The following C4orf51 variants were observed in gnomAD, a reference collection of about 807,000 sequenced individuals.
C4orf51 encodes uncharacterized protein C4orf51.
In C4orf51, 25 loss-of-function variants were observed where a neutral mutation model predicts 25.2. That is an observed-to-expected ratio of 0.99 (90% confidence interval 0.72 to 1.39). The LOEUF is 1.39. Ranked by LOEUF, C4orf51 falls within the 40% of genes most tolerant of loss-of-function variation. The pLI is 0.00. For missense variants in C4orf51, 252 were observed against 239.6 expected (o/e 1.05, Z -0.34); for synonymous variants, 100 against 84.5 (o/e 1.18, Z -1.01).
intron 1 of C4orf51, chr4:145,760,827 G>C (rs1270541203): frequency 1.7e-6 from 2 of 1,199,720 alleles, no homozygotes; most frequent in African/African-American, 3.2e-5. Flanking sequence ...CCAGGAAGGA[G>C]TGTTTGGGTG....
At chr4:145,770,432 C>T (rs976592378) in intron 1 of C4orf51, among the ~76,000 whole-genome samples, 2 of 151,776 alleles carry the variant, frequency 1.3e-5, no homozygotes, top group Non-Finnish European at 2.9e-5. Flanking sequence ...TAACTTTGTG[C>T]CTCAATTATC....
At chr4:145,748,346 A>G (rs114996369) in intron 1 of C4orf51, among the ~76,000 whole-genome samples, 2,520 of 152,018 alleles carry the variant, frequency 0.017, 64 homozygotes, top group African/African-American at 0.057. Flanking sequence ...CCAACTTTTA[A>G]TTTCATTGAT....
chr4:145,757,533 C>G (rs924921394), downstream of C4orf51: 2 of 151,858 alleles, frequency 1.3e-5, no homozygotes, highest in African/African-American at 4.8e-5. Context: ...GATTAAAATA[C>G]ACAGAGAAGT....
rs563226939 is a variant in C4orf51 at position 145,732,390 on chromosome 4, A to G, written c.502-63A>G. 1.1e-5 allele frequency: 11 copies of G among 1,017,098 alleles called. No homozygotes were observed. The East Asian group carries it at 2.2e-4, about 21-fold the overall frequency. The allele number at this position is 1,017,098 out of a possible 1,614,324, so 63.0% of individuals were successfully genotyped here. On this transcript the variant is annotated intron_variant, in intron 5 of 5. Coordinates refer to ENST00000438731, the MANE Select transcript of C4orf51 (RefSeq NM_001080531.3). ...TTTGGAAGAGACCATTTAATTCCCA[A>G]TTCTGTGGAAAAGTGACCTTTGCGG... is the stretch of plus-strand genomic sequence containing the variant.
chr4:145,692,669 G>A (rs1729661570), intron 1 of C4orf51, among the ~76,000 whole-genome samples: 1 of 152,172 alleles, frequency 6.6e-6, no homozygotes, highest in South Asian at 2.1e-4. Context: ...TCGTTAGGCT[G>A]ATATCAATTC....
At position 145,765,515 on chromosome 4, in the gene C4orf51, G is replaced by A. The variant is rs368271131; in HGVS notation, n.167-5473G>A. On this transcript the variant is annotated intron_variant and non_coding_transcript_variant, in intron 1 of 1. Coordinates refer to the C4orf51 transcript ENST00000510096. This position sits in a 1 kb window ranked among gnomAD's most constrained non-coding sequence, Gnocchi z 4.7. The stretch of plus-strand genomic sequence containing the variant: ...GAATGGGTCATCCTGGGTGCGGAGG[G>A]TTGAGCAGGCTCACACCCACCTCCT... The A allele has an allele frequency of 1.5e-5, 23 of 1,585,092 alleles. No homozygotes were observed. The highest frequency in any genetic ancestry group is 2.0e-5 in the Non-Finnish European group (23 of 1,166,292).
intron 1 of C4orf51, among the ~76,000 whole-genome samples, chr4:145,686,356 T>A (rs2126657652): frequency 6.6e-6 from 1 of 152,328 alleles, no homozygotes; most frequent in African/African-American, 2.4e-5. Flanking sequence ...ATTGTGAATG[T>A]TCTTACTTTC....
chr4:145,716,736 A>G (rs944423611), intron 2 of C4orf51, among the ~76,000 whole-genome samples: 9 of 152,160 alleles, frequency 5.9e-5, no homozygotes, highest in African/African-American at 2.2e-4. Flanking sequence ...TTTCCTAAAT[A>G]ATGGAGATAA....
chr4:145,696,404 C>T (rs367819835), intron 1 of C4orf51, among the ~76,000 whole-genome samples, 155 bp from the exon 2 acceptor site: 25 of 152,288 alleles, frequency 1.6e-4, no homozygotes, highest in African/African-American at 4.1e-4. Context: ...CCCCGTTACA[C>T]GAGTTTATCT....
At chr4:145,710,553 TCCC>T (rs1380476563) in intron 2 of C4orf51, among the ~76,000 whole-genome samples, 1 of 152,180 alleles carries the variant, frequency 6.6e-6, no homozygotes, top group Admixed American at 6.5e-5. Context: ...CAGTCAAATG[TCCC>T]TAGAAGGTCA....
At chr4:145,791,546 T>C in the C4orf51 span, among the ~76,000 whole-genome samples, 1 of 152,200 alleles carries the variant, frequency 6.6e-6, no homozygotes, top group Non-Finnish European at 1.5e-5. Flanking sequence ...CCAGTAATAA[T>C]AAGTAGCATA....
chr4:145,792,305 T>G, the C4orf51 span, among the ~76,000 whole-genome samples: 1 of 152,048 alleles, frequency 6.6e-6, no homozygotes, highest in Admixed American at 6.6e-5. Context: ...CTACTCCTAT[T>G]GACAAAGAGT....
rs571931263 is a variant in C4orf51 at position 145,762,847 on chromosome 4, T to C, written n.167-8141T>C. ...TCCACAAAGAATGCAGATGCAAAAGTGGCTGCCTCAGCTCTTGCTTGGCTC... is the reference window on the plus strand; with the variant it reads ...TCCACAAAGAATGCAGATGCAAAAGCGGCTGCCTCAGCTCTTGCTTGGCTC... On this transcript the variant is annotated intron_variant and non_coding_transcript_variant, in intron 1 of 1. Coordinates refer to the C4orf51 transcript ENST00000510096. The surrounding 1 kb of genome is among the most constrained non-coding windows in gnomAD (Gnocchi z 4.9). Among the ~76,000 whole-genome samples, 47 of 152,350 alleles carry C rather than the reference T, an allele frequency of 3.1e-4. No homozygotes were observed. The highest frequency in any genetic ancestry group is 6.0e-4 in the Non-Finnish European group (41 of 68,032).
At position 145,765,160 on chromosome 4, in the gene C4orf51, C is replaced by T. The variant is rs1230534189; in HGVS notation, n.167-5828C>T. 7.5e-6 allele frequency: 12 copies of T among 1,606,602 alleles called. No homozygotes were observed. The highest frequency in any genetic ancestry group is 3.3e-4 in the Middle Eastern group (2 of 6,010). ...CAGACAAAGTTGCAAAAAACACATT[C>T]GAACCCTGCAAGGACCGAAGCTGGG... is the stretch of plus-strand genomic sequence containing the variant. On this transcript the variant is annotated intron_variant and non_coding_transcript_variant, in intron 1 of 1. Transcript: ENST00000510096. This position sits in a 1 kb window ranked among gnomAD's most constrained non-coding sequence, Gnocchi z 4.7.
chr4:145,775,695 G>T, downstream of C4orf51: 1 of 1,452,812 alleles, frequency 6.9e-7, no homozygotes, highest in Non-Finnish European at 9.5e-7. Flanking sequence ...CTGAGAAAAG[G>T]GGCCTCGTGA....
intron 1 of C4orf51, among the ~76,000 whole-genome samples, chr4:145,692,727 C>T (rs897041171): frequency 6.6e-6 from 1 of 152,142 alleles, no homozygotes; most frequent in African/African-American, 2.4e-5. Flanking sequence ...AGTGTGAGGA[C>T]CCTCCTCCCT....
At chr4:145,689,161 A>C (rs948855722) in intron 1 of C4orf51, among the ~76,000 whole-genome samples, 1 of 152,224 alleles carries the variant, frequency 6.6e-6, no homozygotes, top group Non-Finnish European at 1.5e-5. Flanking sequence ...AGGCAAATCA[A>C]TGAAACCATT....
At position 145,764,076 on chromosome 4, in the gene C4orf51, G is replaced by A. The variant is rs192641936; in HGVS notation, n.167-6912G>A. Among the ~76,000 whole-genome samples the A allele has an allele frequency of 4.1e-3, 620 of 152,260 alleles. 2 individuals carry two copies. The highest frequency in any genetic ancestry group is 4.9e-3 in the Non-Finnish European group (336 of 68,020). ...CTGGCAGGTTGTGCGTTTCAATGAC[G>A]AACATGTTTTAAAACAAAAGGTTTT... On this transcript the variant is annotated intron_variant and non_coding_transcript_variant, in intron 1 of 1. Transcript: ENST00000510096.
At chr4:145,775,735 G>A, downstream of C4orf51, 6 of 1,603,482 alleles carry the variant, frequency 3.7e-6, no homozygotes, top group South Asian at 4.4e-5. Context: ...GGTAGGAAGT[G>A]TTGAAGTCAA....
Sources: allele counts gnomAD v4.1 joint callset (sites outside exome capture counted in the v4.1 genomes callset), GRCh38; gene constraint gnomAD v4.1.1; non-coding constraint Gnocchi (gnomAD v3.1); transcripts MANE v1.5; gene names NCBI Gene and HGNC (gene_info 2026-07-23, HGNC 2026-07-21).